PTPRR: variants seen among roughly 807,000 people sequenced by gnomAD.
The protein encoded by PTPRR is protein tyrosine phosphatase receptor type R.
In PTPRR, 38 loss-of-function variants were observed where a neutral mutation model predicts 77.2. That is an observed-to-expected ratio of 0.49 (90% CI 0.38 to 0.65). PTPRR has a LOEUF of 0.65. Among genes scored for constraint, PTPRR ranks in the 30% least tolerant of loss-of-function variants. The pLI, the probability that PTPRR is intolerant of heterozygous loss-of-function variation, is 0.00. For synonymous variants in PTPRR, 299 were observed against 283.1 expected (o/e 1.06, Z -0.57); for missense variants, 744 against 799.2 (o/e 0.93, Z 0.83).
At chr12:70,873,692 G>A (rs1466821922) in intron 2 of PTPRR, among the ~76,000 whole-genome samples, 1 of 150,770 alleles carries the variant, frequency 6.6e-6, no homozygotes, top group Non-Finnish European at 1.5e-5. Flanking sequence ...CCTTCTGTGT[G>A]ATATCTTTAT....
At chr12:70,842,737 T>C (rs976390729) in intron 2 of PTPRR, among the ~76,000 whole-genome samples, 1 of 152,236 alleles carries the variant, frequency 6.6e-6, no homozygotes, top group Non-Finnish European at 1.5e-5. Context: ...GACCTCTTCA[T>C]GTCAAGAGTC....
chr12:70,821,382 G>T (rs58582417), intron 2 of PTPRR, among the ~76,000 whole-genome samples: 4,272 of 151,114 alleles, frequency 0.028, 121 homozygotes, highest in African/African-American at 0.079. Flanking sequence ...ACACCACCAC[G>T]CCCAGCTAAT....
At chr12:70,639,677 T>A in intron 13 of PTPRR, 1 of 178,998 alleles carries the variant, frequency 5.6e-6, no homozygotes, top group Non-Finnish European at 1.1e-5. Flanking sequence ...CTTCCTCTGT[T>A]AAAGCAGGAT....
At chr12:70,691,252 T>C (rs747015285) in intron 8 of PTPRR, among the ~76,000 whole-genome samples, 1 of 152,128 alleles carries the variant, frequency 6.6e-6, no homozygotes. Context: ...AGTGATCCCA[T>C]TGTGGTATTT....
chr12:70,741,996 A>G (rs1890063512), intron 6 of PTPRR, among the ~76,000 whole-genome samples: 1 of 152,158 alleles, frequency 6.6e-6, no homozygotes, highest in South Asian at 2.1e-4. Context: ...AAAAAGAGGA[A>G]GAGAGAGAGA....
In PTPRR at chr12:70,675,359, C is replaced by T. The variant is rs569432287; in HGVS notation, c.1497+8768G>A. Among the ~76,000 whole-genome samples, 133 of 151,624 alleles carry T rather than the reference C, an allele frequency of 8.8e-4. 1 individual carries two copies. The highest frequency in any genetic ancestry group is 3.1e-3 in the African/African-American group (128 of 41,396). ...GTTTATCCTGATTTTTCTATATTAC[C>T]TTTTGTTTTCCCTTTTATTTTGGTT... On this transcript the variant is annotated intron_variant, in intron 10 of 13. Coordinates refer to ENST00000283228, the MANE Select transcript of PTPRR (RefSeq NM_002849.4).
At chr12:70,874,479 T>G (rs75169574) in intron 2 of PTPRR, among the ~76,000 whole-genome samples, 2,206 of 152,220 alleles carry the variant, frequency 0.014, 58 homozygotes, top group African/African-American at 0.05. Flanking sequence ...GAAACTAGAA[T>G]AATAATGAGA....
chr12:70,684,636 A>G (rs1887792728), intron 9 of PTPRR, 68 bp downstream of exon 9: 1 of 1,139,164 alleles, frequency 8.8e-7, no homozygotes, highest in Non-Finnish European at 1.3e-6. Context: ...TACTCTAGGA[A>G]AAAGAAAATA....
intron 2 of PTPRR, among the ~76,000 whole-genome samples, chr12:70,872,885 G>A (rs537464328): frequency 7.9e-5 from 12 of 152,116 alleles, no homozygotes; most frequent in Admixed American, 4.6e-4. Context: ...CCTACTAGAA[G>A]AAATATAACA....
At chr12:70,897,535 G>A (rs1012513766) in intron 1 of PTPRR, among the ~76,000 whole-genome samples, 11 of 151,824 alleles carry the variant, frequency 7.2e-5, no homozygotes, top group African/African-American at 2.7e-4. Flanking sequence ...GGAGAAATAG[G>A]AACACTTTTA....
chr12:70,778,529 T>C (rs1419392530), intron 2 of PTPRR, among the ~76,000 whole-genome samples: 1 of 152,216 alleles, frequency 6.6e-6, no homozygotes, highest in African/African-American at 2.4e-5. Context: ...CTATATATTC[T>C]TCATCTTTCT....
At chr12:70,904,978 G>C (rs1470438860) in intron 1 of PTPRR, among the ~76,000 whole-genome samples, 2 of 151,700 alleles carry the variant, frequency 1.3e-5, no homozygotes. Flanking sequence ...AGAAAGTAGA[G>C]ATTTTGGCAC....
chr12:70,639,495 A>C, intron 13 of PTPRR: 1 of 1,291,190 alleles, frequency 7.7e-7, no homozygotes, highest in Non-Finnish European at 9.8e-7. Context: ...CCCAGCACAC[A>C]CTAGGCACGT....
At position 70,861,527 on chromosome 12, in the gene PTPRR, G is replaced by C. The variant is rs560469127; in HGVS notation, c.357+31152C>G. Among the ~76,000 whole-genome samples, 132 of 152,188 alleles carry C rather than the reference G, an allele frequency of 8.7e-4. 2 individuals are homozygous for C. The highest frequency in any genetic ancestry group is 2.9e-3 in the African/African-American group (121 of 41,522). ...AATTTATAAAAGCGTAAGAAGGATG[G>C]GCTTTTCTGTTCCAAATATCCTTAT... is the stretch of plus-strand genomic sequence containing the variant. On this transcript the variant is annotated intron_variant, in intron 2 of 13. Coordinates refer to ENST00000283228, the MANE Select transcript of PTPRR (RefSeq NM_002849.4).
chr12:70,657,672 A>G (rs1469479922), intron 12 of PTPRR, among the ~76,000 whole-genome samples: 1 of 152,158 alleles, frequency 6.6e-6, no homozygotes, highest in Non-Finnish European at 1.5e-5. Flanking sequence ...TCTAAATTCA[A>G]TGTATCTAAA....
rs1182875023 is a variant in PTPRR, at chr12:70,745,803, A to G, written c.1007+15T>C. On this transcript the variant is annotated intron_variant, in intron 6 of 13. Coordinates refer to ENST00000283228, the MANE Select transcript of PTPRR (RefSeq NM_002849.4). ...ATAAAAAGCCACACGTAGGGTATAC[A>G]GAACAAGCTCTTACCTCTCTTGAAG... 1.2e-6 allele frequency: 2 copies of G among 1,612,078 alleles called. No individual in the cohort carries two copies. The highest frequency in any genetic ancestry group is 1.7e-6 in the Non-Finnish European group (2 of 1,179,266).
intron 2 of PTPRR, among the ~76,000 whole-genome samples, chr12:70,867,657 G>GGAAAAAACT (rs1892879554): frequency 6.6e-6 from 1 of 151,932 alleles, no homozygotes; most frequent in East Asian, 1.9e-4. Context: ...AGCTACCAAT[G>GGAAAAAACT]ACTTTCTTCA....
intron 2 of PTPRR, among the ~76,000 whole-genome samples, chr12:70,882,280 T>G (rs1274397707): frequency 6.6e-6 from 1 of 152,206 alleles, no homozygotes; most frequent in Admixed American, 6.5e-5. Context: ...TTCCTTTACT[T>G]GTTATTGCTG....
At chr12:70,688,675 T>C (rs1016359502) in intron 8 of PTPRR, among the ~76,000 whole-genome samples, 4 of 152,200 alleles carry the variant, frequency 2.6e-5, no homozygotes, top group African/African-American at 9.6e-5. Flanking sequence ...GATCCAGCAA[T>C]TCCACTTCTG....
Sources: allele counts gnomAD v4.1 joint callset (sites outside exome capture counted in the v4.1 genomes callset), GRCh38; gene constraint gnomAD v4.1.1; transcripts MANE v1.5; gene names NCBI Gene and HGNC (gene_info 2026-07-23, HGNC 2026-07-21).